Variants in ARHGAP33 observed in about 807,000 individuals in gnomAD.
ARHGAP33 encodes the protein rho GTPase-activating protein 33.
A neutral mutation model predicts 126.2 loss-of-function variants in ARHGAP33; 57 were observed. That is an observed-to-expected ratio of 0.45 (90% CI 0.36 to 0.56). The LOEUF is 0.56. ARHGAP33 is among the 20% of genes least tolerant of loss of function. ARHGAP33 has a pLI of 0.00. For synonymous variants in ARHGAP33, 711 were observed against 755.0 expected (o/e 0.94, Z 0.95); for missense variants, 1,500 against 1,748.3 (o/e 0.86, Z 2.53).
Position 35,786,252 on chromosome 19 carries a change from G to T in ARHGAP33, c.1943-161G>T, listed in dbSNP as rs1972104564. On this transcript the variant is annotated intron_variant, in intron 19 of 20. Coordinates refer to ENST00000007510, the MANE Select transcript of ARHGAP33 (RefSeq NM_001366178.1). The surrounding 1 kb of genome is among the most constrained non-coding windows in gnomAD (Gnocchi z 7.0). ...AGGGCCTTCGTGCTTTGGGCCGGAA[G>T]TGTCCTCTTCATGGTCTCCACTGTC... 9.1e-6 allele frequency: 13 copies of T among 1,426,748 alleles called. No homozygotes were observed. The South Asian group carries it at 2.0e-4, about 22-fold the overall frequency. The allele number at this position is 1,426,748 out of a possible 1,614,324, so 88.4% of individuals were successfully genotyped here. A position where few individuals can be genotyped will look rare whatever the true frequency, so the allele number is the denominator to read the frequency against.
chr19:35,784,871 G>T, intron 16 of ARHGAP33, 82 bp from the exon 17 acceptor site: 1 of 1,434,348 alleles, frequency 7.0e-7, no homozygotes. Context: ...GCGGGGCCGG[G>T]GCTTGGGCTG....
chr19:35,780,626 G>T lies in ARHGAP33; in HGVS notation c.747G>T (p.Arg249=), dbSNP rs751022830. The part of the protein sequence containing the change: ...PSECVELFTE[R]PGPGLKADAD... ...AGTGTGTGGAACTCTTCACAGAGCG[G>T]CCAGGTCCGGGCCTGAAGGCGGGTA... The change falls in exon 9 of 21, where the codon CGG becomes CGT. Residue 249 remains arginine (R), a synonymous_variant. Coordinates refer to ENST00000007510, the MANE Select transcript of ARHGAP33 (RefSeq NM_001366178.1). The T allele has an allele frequency of 6.5e-7, 1 of 1,536,188 alleles. No homozygotes were observed. The highest frequency in any genetic ancestry group is 1.7e-5 in the Admixed American group (1 of 57,316).
chr19:35,776,523 A>C (rs1458006063), intron 1 of ARHGAP33, among the ~76,000 whole-genome samples: 1 of 152,172 alleles, frequency 6.6e-6, no homozygotes, highest in East Asian at 1.9e-4. Flanking sequence ...TTGCAGGGAC[A>C]TGGAGCAGGG....
At chr19:35,780,372 A>T (rs1174284156) in intron 7 of ARHGAP33, 39 bp downstream of exon 7, 1 of 1,611,234 alleles carries the variant, frequency 6.2e-7, no homozygotes, top group Non-Finnish European at 8.5e-7. Context: ...TGGGCTCCCC[A>T]CACCCCCTGC....
chr19:35,784,464 C>T, intron 16 of ARHGAP33, 147 bp downstream of exon 16: 1 of 1,387,520 alleles, frequency 7.2e-7, no homozygotes, highest in South Asian at 1.7e-5. Flanking sequence ...CCGGCCTCTC[C>T]CTCCCCGCGC....
In ARHGAP33 at chr19:35,782,664, C is replaced by T; in HGVS notation, c.1298C>T (p.Pro433Leu). 1 of 1,613,090 alleles carries T rather than the reference C, an allele frequency of 6.2e-7. No individual in the cohort carries two copies. The highest frequency in any genetic ancestry group is 8.5e-7 in the Non-Finnish European group (1 of 1,179,628). Residue 433 changes from proline to leucine, a missense_variant, in exon 14 of 21, where the codon CCC (proline) becomes CTC (leucine). Around this residue, in one of 6 missense-constraint regions of ARHGAP33, gnomAD observed 281 missense variants for 413.7 expected, o/e 0.68. Coordinates refer to ENST00000007510, the MANE Select transcript of ARHGAP33 (RefSeq NM_001366178.1). This position sits in a 1 kb window ranked among gnomAD's most constrained non-coding sequence, Gnocchi z 4.1. ...VRVHDVIQQL[P>L]PPHYRTLEYL... ...GTGCACGATGTCATCCAGCAGCTGC[C>T]CCCACCACATTACAGGTAAACCAGG...
chr19:35,784,162 T>C lies in ARHGAP33; in HGVS notation c.1422-10T>C. On this transcript the variant is annotated splice_polypyrimidine_tract_variant and intron_variant, in intron 15 of 20. Transcript: ENST00000007510. The stretch of plus-strand genomic sequence containing the variant: ...AGGCACCCAGCCTCCCTCCCGCTCC[T>C]CCCACCCAGGTCCATGGAGCTGGAG... 1 of 1,606,670 alleles carries C rather than the reference T, an allele frequency of 6.2e-7. No individual in the cohort carries two copies. Among genetic ancestry groups the C allele is most frequent in the Non-Finnish European group, 8.5e-7 (1 of 1,175,680 alleles).
chr19:35,777,953 T>C (rs367682954), intron 3 of ARHGAP33, 45 bp downstream of exon 3: 138 of 1,591,526 alleles, frequency 8.7e-5, no homozygotes, highest in Non-Finnish European at 1.2e-4. Flanking sequence ...GACAATATCC[T>C]ACCCAACCTT....
chr19:35,786,549 T>C lies in ARHGAP33; in HGVS notation c.2079T>C (p.Ser693=), dbSNP rs1972119862. The part of the protein sequence containing the change: ...SSESSSSESS[S]SSSESSAAGL... ...AGTCCTCCTCCTCTGAGTCCTCCTC[T>C]TCCTCCTCTGAGTCCTCAGCAGCTG... The change falls in exon 20 of 21, where the codon TCT becomes TCC. Residue 693 remains serine (S), a synonymous_variant. Transcript: ENST00000007510. The surrounding 1 kb of genome is among the most constrained non-coding windows in gnomAD (Gnocchi z 7.0). 2 of 1,536,034 alleles carry C rather than the reference T, an allele frequency of 1.3e-6. No homozygotes were observed. The highest frequency in any genetic ancestry group is 1.7e-6 in the Non-Finnish European group (2 of 1,146,794).
At chr19:35,785,384 C>T in intron 18 of ARHGAP33, 25 bp from the exon 19 acceptor site, 1 of 1,614,126 alleles carries the variant, frequency 6.2e-7, no homozygotes, top group Non-Finnish European at 8.5e-7. Flanking sequence ...GCTGGAGTGC[C>T]CTCCTACCTC....
rs778449669 is a variant in ARHGAP33 at position 35,782,724 on chromosome 19, G to A, written c.1314-38G>A. The A allele has an allele frequency of 1.9e-6, 3 of 1,610,932 alleles. No individual in the cohort carries two copies. In the South Asian group the frequency reaches 3.3e-5, roughly 18 times the overall value. Reference sequence around the variant, plus strand: ...GCGGGACTTGGTGGGATTCCAAGGGGGTTGAGGCTCAGGTGCCCCCTCTGC... The same window carrying A: ...GCGGGACTTGGTGGGATTCCAAGGGAGTTGAGGCTCAGGTGCCCCCTCTGC... On this transcript the variant is annotated intron_variant, in intron 14 of 20. Coordinates refer to ENST00000007510, the MANE Select transcript of ARHGAP33 (RefSeq NM_001366178.1). The surrounding 1 kb of genome is among the most constrained non-coding windows in gnomAD (Gnocchi z 4.1).
chr19:35,782,478 G>A lies in ARHGAP33; in HGVS notation c.1191G>A (p.Pro397=), dbSNP rs138321382. The A allele has an allele frequency of 1.1e-4, 185 of 1,613,416 alleles. 1 individual carries two copies. Among genetic ancestry groups the A allele is most frequent in the Middle Eastern group, 3.3e-4 (2 of 6,058 alleles). ...GCAAGCTCTACTTCCGAGAGCTTCCGAACCCTCTGCTCACCTACCAGCTCT... is the reference window on the plus strand; with the variant it reads ...GCAAGCTCTACTTCCGAGAGCTTCCAAACCCTCTGCTCACCTACCAGCTCT... ...SLCKLYFREL[P]NPLLTYQLYG... The change falls in exon 13 of 21, where the codon CCG becomes CCA. Residue 397 remains proline (P), a synonymous_variant. Coordinates refer to ENST00000007510, the MANE Select transcript of ARHGAP33 (RefSeq NM_001366178.1). The surrounding 1 kb of genome is among the most constrained non-coding windows in gnomAD (Gnocchi z 4.1).
chr19:35,781,336 C>A, intron 12 of ARHGAP33, 84 bp downstream of exon 12: 1 of 1,375,854 alleles, frequency 7.3e-7, no homozygotes, highest in Non-Finnish European at 1.0e-6. Context: ...GCTGGGGACA[C>A]AGTTACCAGG....
At position 35,779,075 on chromosome 19, in the gene ARHGAP33, G is replaced by A. The variant is rs959723516; in HGVS notation, c.452G>A (p.Gly151Glu). ...LLLQYLETLS[G>E]LVDSNLNCGP... ...CTGCAGTACCTGGAGACACTGTCAG[G>A]ACTGGTGGACAGTAACCTCAACTGC... Residue 151 changes from glycine (G) to glutamate (E), a missense_variant, in exon 6 of 21, where the codon GGA becomes GAA. Physicochemically the swap from Gly to Glu is moderately conservative, Grantham distance 98. This residue lies in a region of ARHGAP33 where 75 missense variants were observed against 152.7 expected (regional missense o/e 0.49). Transcript: ENST00000007510. 2 of 1,551,336 alleles carry A rather than the reference G, an allele frequency of 1.3e-6. No homozygotes were observed. Among genetic ancestry groups the A allele is most frequent in the African/African-American group, 2.7e-5 (2 of 73,004 alleles).
intron 1 of ARHGAP33, 67 bp from the exon 2 acceptor site, chr19:35,777,568 CGCGCTGCCAG>C: frequency 7.9e-7 from 1 of 1,270,856 alleles, no homozygotes; most frequent in Non-Finnish European, 1.1e-6. Flanking sequence ...GCTCTGGACC[CGCGCTGCCAG>C]ATAACAATGC....
chr19:35,783,020 C>A, intron 15 of ARHGAP33, 151 bp downstream of exon 15: 2 of 652,284 alleles, frequency 3.1e-6, no homozygotes, highest in Non-Finnish European at 5.3e-6. Context: ...GGGGACCCAG[C>A]ACTGAGCATG....
At position 35,786,790 on chromosome 19, in the gene ARHGAP33, G is replaced by T. The variant is rs1278938241; in HGVS notation, c.2320G>T (p.Val774Leu). The T allele has an allele frequency of 6.6e-7, 1 of 1,518,482 alleles. No individual in the cohort carries two copies. The highest frequency in any genetic ancestry group is 8.8e-7 in the Non-Finnish European group (1 of 1,136,682). 94.1% of individuals were successfully genotyped at this position (1,518,482 alleles called of 1,614,324 possible). The change falls in exon 20 of 21, where the codon GTG becomes TTG. Residue 774 changes from valine (V) to leucine (L), a missense_variant. By Grantham distance (32) the Val-to-Leu change is conservative (BLOSUM62 1). Coordinates refer to ENST00000007510, the MANE Select transcript of ARHGAP33 (RefSeq NM_001366178.1). This position sits in a 1 kb window ranked among gnomAD's most constrained non-coding sequence, Gnocchi z 7.0. Reference sequence around the variant, plus strand: ...CCCTGCCTCTGCCTTCCCACCCAGGGTGACCCCCCAGGCCATCTCGCCCCG... The same window carrying T: ...CCCTGCCTCTGCCTTCCCACCCAGGTTGACCCCCCAGGCCATCTCGCCCCG... ...PAPASAFPPR[V>L]TPQAISPRGP...
At chr19:35,784,479 C>G in intron 16 of ARHGAP33, 162 bp downstream of exon 16, 1 of 1,362,792 alleles carries the variant, frequency 7.3e-7, no homozygotes, top group Non-Finnish European at 9.4e-7. Flanking sequence ...CCGCGCCCCC[C>G]TCCTTCTCAT....
At position 35,779,100 on chromosome 19, in the gene ARHGAP33, C is replaced by A; in HGVS notation, c.477C>A (p.Cys159Ter). 2 of 1,551,636 alleles carry A rather than the reference C, an allele frequency of 1.3e-6. No individual in the cohort carries two copies. The highest frequency in any genetic ancestry group is 8.7e-7 in the Non-Finnish European group (1 of 1,147,090). ...LSGLVDSNLNCGPVLTWMELD... is the reference protein window; with the variant it reads ...LSGLVDSNLN ...GACTGGTGGACAGTAACCTCAACTGCGGGCCTGTGCTCACCTGGATGGAGG... is the reference window on the plus strand; with the variant it reads ...GACTGGTGGACAGTAACCTCAACTGAGGGCCTGTGCTCACCTGGATGGAGG... The change falls in exon 6 of 21, where the codon TGC becomes TGA. Residue 159 changes from cysteine (C) to a stop codon, truncating the protein, a stop_gained. Coordinates refer to ENST00000007510, the MANE Select transcript of ARHGAP33 (RefSeq NM_001366178.1). LOFTEE classifies it high-confidence loss of function.
Sources: allele counts gnomAD v4.1 joint callset (sites outside exome capture counted in the v4.1 genomes callset), GRCh38; gene constraint gnomAD v4.1.1; regional missense constraint gnomAD v4.1.1; non-coding constraint Gnocchi (gnomAD v3.1); transcripts MANE v1.5; gene names NCBI Gene and HGNC (gene_info 2026-07-23, HGNC 2026-07-21).